Variants in TENM3 observed in about 807,000 individuals in gnomAD.
TENM3 encodes teneurin-3.
A neutral mutation model predicts 255.1 loss-of-function variants in TENM3; 63 were observed. The ratio of observed to expected loss-of-function variants is 0.25; its 90% CI spans 0.20 to 0.30. The LOEUF is 0.30. Ranked by LOEUF, TENM3 falls within the 10% of genes least tolerant of loss-of-function variation. The probability of loss-of-function intolerance (pLI) is 1.00; values close to 1 mark genes in which losing one functional copy is unlikely to be tolerated. For synonymous variants in TENM3, 1,306 were observed against 1,322.3 expected (o/e 0.99, Z 0.27); for missense variants, 2,929 against 3,461.1 (o/e 0.85, Z 3.86).
At chr4:182,438,759 A>G (rs1455853146) in intron 3 of TENM3, among the ~76,000 whole-genome samples, 1 of 152,242 alleles carries the variant, frequency 6.6e-6, no homozygotes, top group Non-Finnish European at 1.5e-5. Context: ...ACATAGTGAT[A>G]TATTGATCTA....
the TENM3 span, among the ~76,000 whole-genome samples, chr4:181,711,804 T>G: frequency 1.2e-3 from 182 of 152,284 alleles, no homozygotes; most frequent in Non-Finnish European, 2.0e-3. Context: ...CTTGGATAAC[T>G]TGTTTTCCAA....
Position 182,634,127 on chromosome 4 carries a change from T to C in TENM3, c.988+5238T>C, listed in dbSNP as rs116649774. 8.3e-3 allele frequency among the ~76,000 whole-genome samples: 1,268 copies of C among 152,312 alleles called. 17 individuals carry two copies. Among genetic ancestry groups the C allele is most frequent in the African/African-American group, 0.029 (1,200 of 41,572 alleles). ...AAATGCTGTCACGTGTCCCGTTTCA[T>C]GATGGAAATGTTCTGTTTCCACACT... On this transcript the variant is annotated intron_variant, in intron 5 of 27. Coordinates refer to ENST00000511685, the MANE Select transcript of TENM3 (RefSeq NM_001080477.4).
At chr4:182,186,759 C>A (rs1753174762) in intron 1 of TENM3, among the ~76,000 whole-genome samples, 3 of 52,266 alleles carry the variant, frequency 5.7e-5, no homozygotes, top group Admixed American at 2.3e-4. Context: ...TATACTAATG[C>A]ATCATATATA....
the TENM3 span, among the ~76,000 whole-genome samples, chr4:181,543,511 T>C: frequency 6.6e-6 from 1 of 152,210 alleles, no homozygotes; most frequent in African/African-American, 2.4e-5. Context: ...TCTGAAGGTA[T>C]TTTTTCCGCG....
At chr4:182,448,985 C>G (rs1443453678) in intron 3 of TENM3, 1 of 399,192 alleles carries the variant, frequency 2.5e-6, no homozygotes. Flanking sequence ...AGCCCGAGCC[C>G]GGAGCCAGGC....
the TENM3 span, among the ~76,000 whole-genome samples, chr4:181,753,479 G>A: frequency 6.6e-6 from 1 of 151,450 alleles, no homozygotes; most frequent in African/African-American, 2.4e-5. Flanking sequence ...TAGTGGTCTA[G>A]TTAACAGTCA....
chr4:181,890,648 T>A, the TENM3 span, among the ~76,000 whole-genome samples: 1 of 152,164 alleles, frequency 6.6e-6, no homozygotes, highest in Non-Finnish European at 1.5e-5. Flanking sequence ...ACTCTATTAT[T>A]AGAATGAAAT....
chr4:181,949,074 C>G, the TENM3 span, among the ~76,000 whole-genome samples: 1 of 151,922 alleles, frequency 6.6e-6, no homozygotes, highest in African/African-American at 2.4e-5. Flanking sequence ...TCTAGCAATG[C>G]CAGACGTAGA....
the TENM3 span, among the ~76,000 whole-genome samples, chr4:181,552,661 G>T: frequency 6.6e-6 from 1 of 152,096 alleles, no homozygotes; most frequent in Non-Finnish European, 1.5e-5. Context: ...GTTACTGGGG[G>T]GAAAATGGGC....
the TENM3 span, among the ~76,000 whole-genome samples, chr4:181,942,301 CCT>C: frequency 8.0e-6 from 1 of 125,414 alleles, no homozygotes; most frequent in Non-Finnish European, 1.7e-5. Context: ...TTTTTCATTA[CCT>C]TTTATCCAAA....
chr4:182,553,091 G>C (rs146539019), intron 3 of TENM3, among the ~76,000 whole-genome samples: 1 of 152,060 alleles, frequency 6.6e-6, no homozygotes, highest in Non-Finnish European at 1.5e-5. Context: ...TAGTTTTTTT[G>C]TTCTACTTTT....
chr4:182,688,177 G>C lies in TENM3; in HGVS notation c.2047G>C (p.Val683Leu). 2 of 1,610,136 alleles carry C rather than the reference G, an allele frequency of 1.2e-6. No individual in the cohort carries two copies. Among genetic ancestry groups the C allele is most frequent in the Non-Finnish European group, 1.7e-6 (2 of 1,178,008 alleles). ...GPDCSNEICS[V>L]DCGSHGVCMG... ...TTCCTCCCACATAGAAATATGTTCTGTGGACTGTGGCTCACACGGCGTTTG... is the reference window on the plus strand; with the variant it reads ...TTCCTCCCACATAGAAATATGTTCTCTGGACTGTGGCTCACACGGCGTTTG... The change falls in exon 12 of 28, where the codon GTG becomes CTG. Residue 683 changes from valine (V) to leucine (L), a missense_variant. By Grantham distance (32) the Val-to-Leu change is conservative (BLOSUM62 1). This residue lies in a region of TENM3 where 1,608 missense variants were observed against 1,884.4 expected (regional missense o/e 0.85). Coordinates refer to ENST00000511685, the MANE Select transcript of TENM3 (RefSeq NM_001080477.4).
At chr4:181,955,254 A>G in the TENM3 span, among the ~76,000 whole-genome samples, 3 of 152,258 alleles carry the variant, frequency 2.0e-5, no homozygotes, top group South Asian at 2.1e-4. Flanking sequence ...TGGATATCCC[A>G]TTATGGGAGG....
intron 3 of TENM3, among the ~76,000 whole-genome samples, chr4:182,512,218 T>G (rs1451443251): frequency 6.6e-6 from 1 of 152,208 alleles, no homozygotes; most frequent in Admixed American, 6.5e-5. Context: ...GCTAGTTCTC[T>G]ACAATGGAAT....
chr4:182,043,954 G>A, the TENM3 span, among the ~76,000 whole-genome samples: 2 of 152,132 alleles, frequency 1.3e-5, no homozygotes, highest in East Asian at 1.9e-4. Flanking sequence ...TTGCCAGTTC[G>A]TGAATTCCAC....
chr4:182,734,999 G>A (rs1470641320), intron 16 of TENM3, among the ~76,000 whole-genome samples: 1 of 152,092 alleles, frequency 6.6e-6, no homozygotes, highest in African/African-American at 2.4e-5. Flanking sequence ...TGTTATCAGG[G>A]TCATTCTGGA....
the TENM3 span, among the ~76,000 whole-genome samples, chr4:182,126,809 A>G: frequency 6.6e-6 from 1 of 152,170 alleles, no homozygotes. Context: ...GTGAGTCACT[A>G]AAAATTTTAA....
intron 1 of TENM3, among the ~76,000 whole-genome samples, chr4:182,199,743 T>TTTG: frequency 7.6e-6 from 1 of 131,770 alleles, no homozygotes. Flanking sequence ...TTTTTTTTTT[T>TTTG]GAGACAGGAT....
intron 3 of TENM3, among the ~76,000 whole-genome samples, chr4:182,393,644 A>G (rs151052237): frequency 6.6e-6 from 1 of 152,354 alleles, no homozygotes; most frequent in Non-Finnish European, 1.5e-5. Context: ...TTTTTAAGAT[A>G]CAGGATTTCT....
Sources: allele counts gnomAD v4.1 joint callset (sites outside exome capture counted in the v4.1 genomes callset), GRCh38; gene constraint gnomAD v4.1.1; regional missense constraint gnomAD v4.1.1; transcripts MANE v1.5; gene names NCBI Gene and HGNC (gene_info 2026-07-23, HGNC 2026-07-21).